TENM2: variants seen among roughly 807,000 people sequenced by gnomAD.
TENM2 encodes the protein teneurin transmembrane protein 2, also known as teneurin-2.
Under a neutral mutation model 245.2 loss-of-function variants are expected in TENM2, and 52 were observed. That is an observed-to-expected ratio of 0.21 (90% CI 0.17 to 0.27). TENM2 has a LOEUF of 0.27. Among genes scored for constraint, TENM2 ranks in the 10% least tolerant of loss-of-function variants. TENM2 has a pLI of 1.00. For missense variants in TENM2, 3,046 were observed against 3,666.8 expected, an observed-to-expected ratio of 0.83 and a Z score of 4.37; for synonymous variants, 1,363 against 1,438.9, an observed-to-expected ratio of 0.95 and a Z score of 1.19.
intron 2 of TENM2, among the ~76,000 whole-genome samples, chr5:167,461,197 A>C (rs997633513): frequency 6.6e-6 from 1 of 151,952 alleles, no homozygotes; most frequent in Non-Finnish European, 1.5e-5. Context: ...ATTAAGATAT[A>C]TAGAAACCCA....
At chr5:168,098,202 G>A (rs1793522269) in intron 9 of TENM2, 75 bp downstream of exon 11, 2 of 1,022,664 alleles carry the variant, frequency 2.0e-6, no homozygotes, top group Non-Finnish European at 3.0e-6. Flanking sequence ...TAACAGAAGG[G>A]ACATCCAAGT....
chr5:167,115,362 C>T, the TENM2 span, among the ~76,000 whole-genome samples: 1 of 152,194 alleles, frequency 6.6e-6, no homozygotes, highest in Non-Finnish European at 1.5e-5. Context: ...ATTGGCTCCT[C>T]ACTGCACTTG....
chr5:167,564,710 G>A (rs984784097), intron 2 of TENM2, among the ~76,000 whole-genome samples: 1 of 152,102 alleles, frequency 6.6e-6, no homozygotes, highest in African/African-American at 2.4e-5. Context: ...GGTTTCATGG[G>A]GGCTGGACTC....
At chr5:167,431,668 C>T (rs1325769396) in intron 2 of TENM2, among the ~76,000 whole-genome samples, 1 of 151,792 alleles carries the variant, frequency 6.6e-6, no homozygotes, top group African/African-American at 2.4e-5. Flanking sequence ...TACACAACAA[C>T]AGACATTTAT....
intron 11 of TENM2, among the ~76,000 whole-genome samples, chr5:168,125,443 C>T (rs1174169193): frequency 6.6e-6 from 1 of 152,174 alleles, no homozygotes. Context: ...TGTTCTACAG[C>T]TCTGTAATAC....
At chr5:167,515,564 G>A (rs1162771351) in intron 2 of TENM2, among the ~76,000 whole-genome samples, 1 of 125,802 alleles carries the variant, frequency 7.9e-6, no homozygotes, top group East Asian at 2.7e-4. Flanking sequence ...AGAGCTTAAT[G>A]TCAATTGAAG....
chr5:167,862,547 C>T (rs567701128), intron 2 of TENM2, among the ~76,000 whole-genome samples: 1 of 152,320 alleles, frequency 6.6e-6, no homozygotes, highest in South Asian at 2.1e-4. Context: ...GTTAAATCCT[C>T]CTCCTTGTTT....
intron 12 of TENM2, among the ~76,000 whole-genome samples, chr5:168,135,369 C>T (rs527714916): frequency 2.8e-4 from 43 of 152,216 alleles, no homozygotes; most frequent in Non-Finnish European, 4.9e-4. Flanking sequence ...TTTACCAACC[C>T]TCTTTTTTCA....
intron 10 of TENM2, among the ~76,000 whole-genome samples, chr5:168,119,828 A>G (rs939177831): frequency 4.5e-4 from 68 of 152,322 alleles, no homozygotes; most frequent in African/African-American, 1.6e-3. Context: ...CCTATTCTGC[A>G]TGAACTTGAT....
At chr5:167,471,477 G>A (rs553588312) in intron 2 of TENM2, among the ~76,000 whole-genome samples, 4 of 152,120 alleles carry the variant, frequency 2.6e-5, no homozygotes, top group Admixed American at 1.3e-4. Flanking sequence ...GTAACGAAAG[G>A]TACAATAATG....
chr5:168,223,963 C>T (rs1234094465), intron 23 of TENM2, among the ~76,000 whole-genome samples: 1 of 151,988 alleles, frequency 6.6e-6, no homozygotes, highest in African/African-American at 2.4e-5. Context: ...TTTTGTACCC[C>T]ACACTTCCAC....
the TENM2 span, among the ~76,000 whole-genome samples, chr5:167,090,713 A>G: frequency 6.6e-6 from 1 of 152,342 alleles, no homozygotes; most frequent in African/African-American, 2.4e-5. Context: ...AAAGGTTTGA[A>G]GCATTCACAA....
chr5:167,454,280 C>T (rs1264708604), intron 2 of TENM2, among the ~76,000 whole-genome samples: 3 of 152,138 alleles, frequency 2.0e-5, no homozygotes, highest in Non-Finnish European at 2.9e-5. Flanking sequence ...ATCTGTATTG[C>T]TGTACTAGTC....
At chr5:167,197,909 A>T in the TENM2 span, among the ~76,000 whole-genome samples, 1 of 152,050 alleles carries the variant, frequency 6.6e-6, no homozygotes, top group Non-Finnish European at 1.5e-5. Flanking sequence ...ATATACACAT[A>T]TAGAGAGAGA....
the TENM2 span, among the ~76,000 whole-genome samples, chr5:167,040,389 G>GTGAGCTGTGTGGCCTTGTA: frequency 6.6e-6 from 1 of 152,078 alleles, no homozygotes; most frequent in Non-Finnish European, 1.5e-5. Context: ...AAGTCCCCAG[G>GTGAGCTGTGTGGCCTTGTA]TGAGCTGTGT....
intron 2 of TENM2, among the ~76,000 whole-genome samples, chr5:167,605,088 C>T (rs11738133): frequency 0.51 from 77,150 of 151,948 alleles, 22,758 homozygotes; most frequent in Middle Eastern, 0.67. Flanking sequence ...AAGATGAAAT[C>T]TAAGATGCTG....
At chr5:167,005,194 T>C in the TENM2 span, among the ~76,000 whole-genome samples, 2 of 152,172 alleles carry the variant, frequency 1.3e-5, no homozygotes, top group Non-Finnish European at 2.9e-5. Flanking sequence ...TGTCTTTCAC[T>C]GTTTCTGCAT....
At chr5:166,997,995 C>G in the TENM2 span, among the ~76,000 whole-genome samples, 1 of 151,898 alleles carries the variant, frequency 6.6e-6, no homozygotes, top group East Asian at 1.9e-4. Flanking sequence ...ACATAATGTA[C>G]AAAAATGAAC....
intron 2 of TENM2, among the ~76,000 whole-genome samples, chr5:167,392,020 C>T (rs1343439032): frequency 3.3e-5 from 5 of 152,056 alleles, no homozygotes; most frequent in Non-Finnish European, 5.9e-5. Flanking sequence ...GTTCTTTGTT[C>T]ATTCTTGTTG....
Sources: gnomAD v4.1 joint callset for allele counts (sites outside exome capture counted in the v4.1 genomes callset) on GRCh38, gnomAD v4.1.1 for gene constraint, MANE v1.5 for transcripts, NCBI Gene and HGNC (gene_info 2026-07-23, HGNC 2026-07-21) for gene names.